NRG1: variants seen among roughly 807,000 people sequenced by gnomAD.
NRG1 encodes neuregulin 1, also known as pro-neuregulin-1, membrane-bound isoform.
NRG1 carries 18 observed loss-of-function variants against 63.8 expected under a neutral mutation model. The ratio of observed to expected loss-of-function variants is 0.28; its 90% confidence interval spans 0.19 to 0.42. The LOEUF is 0.42. Ranked by LOEUF, NRG1 falls within the 10% of genes least tolerant of loss-of-function variation. The pLI is 1.00. For synonymous variants in NRG1, 302 were observed against 301.3 expected (o/e 1.00, Z -0.02); for missense variants, 762 against 814.7 (o/e 0.94, Z 0.79).
At chr8:32,393,584 A>ATGGATGG (rs1439836051) in intron 1 of NRG1, among the ~76,000 whole-genome samples, 1 of 152,026 alleles carries the variant, frequency 6.6e-6, no homozygotes, top group Non-Finnish European at 1.5e-5. Context: ...CCTTTACAGG[A>ATGGATGG]ACATGGATGG....
chr8:32,206,629 C>G (rs1018657554), intron 1 of NRG1, among the ~76,000 whole-genome samples: 1 of 152,194 alleles, frequency 6.6e-6, no homozygotes, highest in Non-Finnish European at 1.5e-5. Flanking sequence ...TAATGCCCCT[C>G]CATGTCCACA....
At chr8:31,914,410 G>GT (rs139903551) in intron 1 of NRG1, among the ~76,000 whole-genome samples, 39,214 of 143,970 alleles carry the variant, frequency 0.27, 6,075 homozygotes, top group East Asian at 0.72. Context: ...CCAGTTTTTG[G>GT]TTTTTTTTTT....
intron 1 of NRG1, among the ~76,000 whole-genome samples, chr8:32,343,461 A>T (rs1586931824): frequency 6.6e-6 from 1 of 152,286 alleles, no homozygotes; most frequent in African/African-American, 2.4e-5. Context: ...TTTAAATAGT[A>T]CTCCAGTTTT....
At chr8:31,667,517 A>G (rs60806417) in intron 1 of NRG1, among the ~76,000 whole-genome samples, 1 of 152,014 alleles carries the variant, frequency 6.6e-6, no homozygotes, top group Non-Finnish European at 1.5e-5. Context: ...GGGCAAGTAC[A>G]TGCAGGGGTA....
intron 1 of NRG1, among the ~76,000 whole-genome samples, chr8:31,860,552 G>A (rs756789380): frequency 6.6e-6 from 1 of 152,118 alleles, no homozygotes; most frequent in Non-Finnish European, 1.5e-5. Flanking sequence ...ATTACCGTAT[G>A]TTTAATAGTT....
chr8:32,167,021 T>G (rs375957688), intron 1 of NRG1, among the ~76,000 whole-genome samples: 2 of 152,324 alleles, frequency 1.3e-5, no homozygotes, highest in Admixed American at 1.3e-4. Context: ...CCAGGAGGTA[T>G]GTAAAAGCTA....
chr8:31,684,111 C>G (rs1808620283), intron 1 of NRG1, among the ~76,000 whole-genome samples: 1 of 152,118 alleles, frequency 6.6e-6, no homozygotes, highest in Non-Finnish European at 1.5e-5. Context: ...TCAATACCAA[C>G]TGGATATTTG....
chr8:32,287,759 A>C (rs1354682289), intron 1 of NRG1, among the ~76,000 whole-genome samples: 1 of 152,186 alleles, frequency 6.6e-6, no homozygotes, highest in Admixed American at 6.5e-5. Context: ...CCGTACTACC[A>C]CCAGACTTGG....
intron 7 of NRG1, among the ~76,000 whole-genome samples, chr8:32,748,337 G>A (rs565033205): frequency 0.085 from 8,873 of 104,420 alleles, 396 homozygotes; most frequent in Middle Eastern, 0.17. Context: ...ACGCGCGCGC[G>A]CGCACACACA....
intron 1 of NRG1, among the ~76,000 whole-genome samples, chr8:32,378,913 T>G (rs1232847330): frequency 6.6e-6 from 1 of 152,126 alleles, no homozygotes; most frequent in Non-Finnish European, 1.5e-5. Flanking sequence ...AATGATGGTT[T>G]CCAGTTTCAT....
intron 1 of NRG1, among the ~76,000 whole-genome samples, chr8:32,518,261 G>T (rs529631214): frequency 2.0e-4 from 31 of 152,148 alleles, no homozygotes; most frequent in Non-Finnish European, 3.5e-4. Context: ...TTGCTATGAT[G>T]CTCGTTACCT....
intron 1 of NRG1, among the ~76,000 whole-genome samples, chr8:31,777,213 G>A (rs1819235085): frequency 6.6e-6 from 1 of 152,182 alleles, no homozygotes; most frequent in South Asian, 2.1e-4. Context: ...AAGACAGAGA[G>A]CAGCATACCT....
intron 1 of NRG1, among the ~76,000 whole-genome samples, chr8:32,261,852 T>C (rs1850414817): frequency 6.6e-6 from 1 of 152,230 alleles, no homozygotes; most frequent in South Asian, 2.1e-4. Flanking sequence ...AGTGTTCCCT[T>C]GCAGAATATT....
intron 1 of NRG1, among the ~76,000 whole-genome samples, chr8:32,436,885 A>G (rs1818857893): frequency 1.4e-5 from 1 of 71,416 alleles, no homozygotes; most frequent in South Asian, 4.9e-4. Flanking sequence ...ATGGTCAAGT[A>G]TACACACATA....
chr8:32,085,025 A>C (rs1412194952), intron 1 of NRG1, among the ~76,000 whole-genome samples: 1 of 152,220 alleles, frequency 6.6e-6, no homozygotes, highest in East Asian at 1.9e-4. Context: ...CACAACAACT[A>C]CACATATGCG....
intron 1 of NRG1, among the ~76,000 whole-genome samples, chr8:31,782,840 G>T (rs182643982): frequency 6.6e-6 from 1 of 152,160 alleles, no homozygotes. Context: ...GCTCACATAC[G>T]ATGCGGATGT....
intron 8 of NRG1, among the ~76,000 whole-genome samples, chr8:32,756,067 A>G (rs1039689708): frequency 6.6e-6 from 1 of 152,190 alleles, no homozygotes; most frequent in Admixed American, 6.5e-5. Flanking sequence ...TCTAAGACAA[A>G]TAAGTGTCCA....
intron 1 of NRG1, among the ~76,000 whole-genome samples, chr8:32,150,296 A>G (rs1331741700): frequency 6.6e-6 from 1 of 152,238 alleles, no homozygotes; most frequent in Non-Finnish European, 1.5e-5. Flanking sequence ...GAGTCAGTGT[A>G]GCTACAGGGA....
At chr8:31,834,371 GC>G (rs1825502488) in intron 1 of NRG1, among the ~76,000 whole-genome samples, 1 of 151,618 alleles carries the variant, frequency 6.6e-6, no homozygotes, top group East Asian at 1.9e-4. Context: ...TTAGACGAAA[GC>G]ATAAAATCAG....
Sources: allele counts gnomAD v4.1 joint callset (sites outside exome capture counted in the v4.1 genomes callset), GRCh38; gene constraint gnomAD v4.1.1; transcripts MANE v1.5; gene names NCBI Gene and HGNC (gene_info 2026-07-23, HGNC 2026-07-21).